SAMD4A: variants seen among roughly 807,000 people sequenced by gnomAD.
The protein encoded by SAMD4A is protein Smaug homolog 1.
In SAMD4A, 33 loss-of-function variants were observed where a neutral mutation model predicts 81.3. The observed-to-expected ratio is 0.41, with a 90% CI of 0.31 to 0.54. SAMD4A has a LOEUF of 0.54. SAMD4A is among the 20% of genes least tolerant of loss of function. The pLI is 0.37. For missense variants in SAMD4A, 854 were observed against 951.1 expected (o/e 0.90, Z 1.34); for synonymous variants, 389 against 382.1 (o/e 1.02, Z -0.21).
chr14:54,662,584 A>ATT (rs930273395), intron 2 of SAMD4A, among the ~76,000 whole-genome samples: 1 of 146,672 alleles, frequency 6.8e-6, no homozygotes, highest in East Asian at 2.0e-4. Flanking sequence ...TAACTTTTGT[A>ATT]TTTTTTTTTT....
intron 2 of SAMD4A, among the ~76,000 whole-genome samples, chr14:54,650,995 C>A (rs1204844278): frequency 6.6e-6 from 1 of 152,206 alleles, no homozygotes; most frequent in African/African-American, 2.4e-5. Context: ...CTGAGCACCT[C>A]ACTTTCTGGA....
chr14:54,691,174 C>G (rs7145140), intron 2 of SAMD4A, among the ~76,000 whole-genome samples: 1 of 152,086 alleles, frequency 6.6e-6, no homozygotes, highest in East Asian at 1.9e-4. Context: ...CTTTCCCTGC[C>G]TGAGCCCTCT....
chr14:54,565,466 C>A (rs534432427), upstream of SAMD4A, among the ~76,000 whole-genome samples: 4 of 152,374 alleles, frequency 2.6e-5, no homozygotes, highest in African/African-American at 9.6e-5. The surrounding 1 kb of genome is among the most constrained non-coding windows in gnomAD (Gnocchi z 5.4). Flanking sequence ...CCGACCCGGG[C>A]CAGGCCCTTG....
rs2032980558 is a variant in SAMD4A, at chr14:54,567,688, A to G, written c.-229A>G. The G allele has an allele frequency of 3.9e-6, 2 of 515,974 alleles. No individual in the cohort carries two copies. The highest frequency in any genetic ancestry group is 6.7e-6 in the Non-Finnish European group (2 of 297,332). 32.0% of individuals were successfully genotyped at this position (515,974 alleles called of 1,614,324 possible). On this transcript the variant is annotated 5_prime_UTR_variant, in exon 2 of 13. Coordinates refer to ENST00000554335, the MANE Select transcript of SAMD4A (RefSeq NM_015589.6). ...TTTTTTAAAGAAACATTTCCGTGCT[A>G]CTGTCTGTCATCGTCTCTGGGGAAA...
chr14:54,569,338 A>G (rs1292097808), intron 2 of SAMD4A, among the ~76,000 whole-genome samples: 1 of 152,196 alleles, frequency 6.6e-6, no homozygotes. Context: ...TGGTGAAAAC[A>G]CTAGAATGGG....
rs753683875 is a variant in SAMD4A, at chr14:54,776,416, C to T, written c.1920C>T (p.Asn640=). ...TPTIMKQGRQ[N]LWFANPGGSN... Reference sequence around the variant, plus strand: ...TCCCCTTTTGCTTTTCTCACCAGAACCTGTGGTTTGCCAACCCCGGGGGCA... The same window carrying T: ...TCCCCTTTTGCTTTTCTCACCAGAATCTGTGGTTTGCCAACCCCGGGGGCA... Residue 640 remains asparagine, a splice_region_variant and synonymous_variant, in exon 11 of 13, where the codon AAC becomes AAT. Transcript: ENST00000554335. 9.0e-5 allele frequency: 143 copies of T among 1,590,720 alleles called. 1 individual carries two copies. In the South Asian group the frequency reaches 1.2e-3, roughly 13 times the overall value.
rs189558927 is a variant in SAMD4A, at chr14:54,601,343, G to A, written c.196+33231G>A. Among the ~76,000 whole-genome samples the A allele has an allele frequency of 1.6e-4, 24 of 152,050 alleles. No homozygotes were observed. In the East Asian group the frequency reaches 2.5e-3, roughly 16 times the overall value. On this transcript the variant is annotated intron_variant, in intron 2 of 12. Transcript: ENST00000554335. ...TATCCTGCTCTTGTGATTATTTTGA[G>A]CCATTTTAAATCCATTATGGAAGTA... is the stretch of plus-strand genomic sequence containing the variant.
intron 2 of SAMD4A, among the ~76,000 whole-genome samples, chr14:54,571,698 C>CA (rs1302071185): frequency 2.0e-5 from 3 of 151,952 alleles, no homozygotes; most frequent in African/African-American, 7.3e-5. Context: ...ATGTTTGAGA[C>CA]AAAAAAATAA....
chr14:54,749,650 C>T (rs2038052783), intron 5 of SAMD4A, among the ~76,000 whole-genome samples: 1 of 152,188 alleles, frequency 6.6e-6, no homozygotes, highest in South Asian at 2.1e-4. Context: ...AAAGGCCAGT[C>T]AACAGAACCC....
chr14:54,685,283 C>CG (rs531675477), intron 2 of SAMD4A, among the ~76,000 whole-genome samples: 6 of 151,026 alleles, frequency 4.0e-5, no homozygotes, highest in East Asian at 2.0e-4. Context: ...TGCCCCCCCC[C>CG]CCAGCTCCTG....
intron 2 of SAMD4A, among the ~76,000 whole-genome samples, chr14:54,610,162 G>T (rs906978368): frequency 3.3e-5 from 5 of 152,090 alleles, no homozygotes; most frequent in African/African-American, 9.7e-5. Flanking sequence ...CTTAATAAAA[G>T]TTCCCAAAAT....
intron 2 of SAMD4A, among the ~76,000 whole-genome samples, chr14:54,634,747 GTCTGTCTGTCTGTCTA>G (rs747986815): frequency 9.0e-4 from 133 of 148,374 alleles, no homozygotes; most frequent in African/African-American, 2.9e-3. Context: ...CTGTCTGTCT[GTCTGTCTGTCTGTCTA>G]TCTATCTATC....
rs371925105 is a variant in SAMD4A at position 54,697,791 on chromosome 14, G to A, written c.197-4271G>A. ...TAGGATTCCTCAAAATGGTATGTGG[G>A]CTGCAGTTGTCCAAAGGCTTATCTG... On this transcript the variant is annotated intron_variant, in intron 2 of 12. Transcript: ENST00000554335. Among the ~76,000 whole-genome samples, 4 of 152,166 alleles carry A rather than the reference G, an allele frequency of 2.6e-5. No homozygotes were observed. The East Asian group carries it at 7.7e-4, about 29-fold the overall frequency.
chr14:54,718,830 C>G (rs2037187611), intron 3 of SAMD4A, among the ~76,000 whole-genome samples: 4 of 151,872 alleles, frequency 2.6e-5, no homozygotes, highest in Admixed American at 2.6e-4. Flanking sequence ...ATGGTGAAAC[C>G]CCATCTGTAC....
intron 2 of SAMD4A, among the ~76,000 whole-genome samples, chr14:54,608,127 A>C (rs563421162): frequency 1.4e-3 from 214 of 152,316 alleles, no homozygotes; most frequent in African/African-American, 4.9e-3. Flanking sequence ...CATTTGGACT[A>C]AGAAGGCCTG....
intron 2 of SAMD4A, among the ~76,000 whole-genome samples, chr14:54,677,649 T>A (rs2036020984): frequency 6.6e-6 from 1 of 152,262 alleles, no homozygotes; most frequent in Non-Finnish European, 1.5e-5. Context: ...TGCATAACTC[T>A]CACCATAGAT....
chr14:54,653,306 ATTATTAT>A (rs2035447554), intron 2 of SAMD4A, among the ~76,000 whole-genome samples: 12 of 32,514 alleles, frequency 3.7e-4, no homozygotes, highest in African/African-American at 1.3e-3. Flanking sequence ...TCTTAATATT[ATTATTAT>A]TATTATTATT....
At chr14:54,670,180 C>T (rs966545966) in intron 2 of SAMD4A, among the ~76,000 whole-genome samples, 7 of 152,284 alleles carry the variant, frequency 4.6e-5, no homozygotes, top group East Asian at 1.9e-4. Context: ...CCTCATTCCC[C>T]GCCCCCATCT....
intron 2 of SAMD4A, among the ~76,000 whole-genome samples, chr14:54,649,176 G>T (rs1180352683): frequency 6.6e-6 from 1 of 152,226 alleles, no homozygotes; most frequent in African/African-American, 2.4e-5. Flanking sequence ...TAGTGAGGCT[G>T]TCGAGTAGGA....
Sources: gnomAD v4.1 joint callset for allele counts (sites outside exome capture counted in the v4.1 genomes callset) on GRCh38, gnomAD v4.1.1 for gene constraint, Gnocchi (gnomAD v3.1) non-coding constraint, MANE v1.5 for transcripts, NCBI Gene and HGNC (gene_info 2026-07-23, HGNC 2026-07-21) for gene names.